Variants in CAMK1D observed in about 807,000 individuals in gnomAD.
The protein encoded by CAMK1D is calcium/calmodulin dependent protein kinase ID, also known as calcium/calmodulin-dependent protein kinase type 1D.
CAMK1D carries 9 observed loss-of-function variants against 47.7 expected under a neutral mutation model. That is an observed-to-expected ratio of 0.19 (90% CI 0.11 to 0.33). CAMK1D has a LOEUF of 0.33. CAMK1D is among the 10% of genes least tolerant of loss of function. The pLI is 1.00. For missense variants in CAMK1D, 291 were observed against 488.7 expected (o/e 0.60, Z 3.81); for synonymous variants, 184 against 184.9 (o/e 0.99, Z 0.04).
At chr10:12,518,412 A>G (rs1835274239) in intron 1 of CAMK1D, among the ~76,000 whole-genome samples, 1 of 152,178 alleles carries the variant, frequency 6.6e-6, no homozygotes, top group Non-Finnish European at 1.5e-5. Context: ...GTTGTTCATA[A>G]TGTTCTTTTA....
intron 3 of CAMK1D, among the ~76,000 whole-genome samples, chr10:12,670,622 A>G (rs895180939): frequency 5.3e-5 from 8 of 151,780 alleles, no homozygotes; most frequent in African/African-American, 1.9e-4. Context: ...ATCTTGGCTC[A>G]CTGCAACCTC....
Position 12,353,539 on chromosome 10 carries a change from C to T in CAMK1D, c.92+3629C>T, listed in dbSNP as rs78792528. On this transcript the variant is annotated intron_variant, in intron 1 of 10. Transcript: ENST00000619168. The stretch of plus-strand genomic sequence containing the variant: ...AGGGACCTTGCTGGAGAGTGGGGGC[C>T]GAATGGGAGTGAAGGTTGGCCCAGG... Among the ~76,000 whole-genome samples, 829 of 151,940 alleles carry T rather than the reference C, an allele frequency of 5.5e-3. 8 individuals are homozygous for T. The highest frequency in any genetic ancestry group is 0.018 in the African/African-American group (759 of 41,426).
intron 3 of CAMK1D, among the ~76,000 whole-genome samples, chr10:12,729,354 G>A (rs1427873431): frequency 6.6e-6 from 1 of 152,212 alleles, no homozygotes; most frequent in Non-Finnish European, 1.5e-5. Flanking sequence ...ATTAAAGTGG[G>A]ACCGAGCACA....
chr10:12,774,276 G>A (rs987577196), intron 5 of CAMK1D, among the ~76,000 whole-genome samples: 1 of 147,410 alleles, frequency 6.8e-6, no homozygotes, highest in South Asian at 2.1e-4. Flanking sequence ...GAGGGTGGTG[G>A]CAATTTTAAC....
intron 1 of CAMK1D, among the ~76,000 whole-genome samples, chr10:12,476,528 C>T (rs1833907421): frequency 1.3e-5 from 2 of 151,956 alleles, no homozygotes; most frequent in South Asian, 2.1e-4. Flanking sequence ...ATAAAGATAC[C>T]GTATAATGAG....
intron 3 of CAMK1D, among the ~76,000 whole-genome samples, chr10:12,701,644 C>T (rs532661887): frequency 2.9e-4 from 44 of 152,346 alleles, no homozygotes; most frequent in Middle Eastern, 3.4e-3. Context: ...ATCTATCTTC[C>T]AGTGACCTTC....
chr10:12,476,608 G>A (rs1365130784), intron 1 of CAMK1D, among the ~76,000 whole-genome samples: 1 of 152,164 alleles, frequency 6.6e-6, no homozygotes, highest in Non-Finnish European at 1.5e-5. Context: ...ATCATGTCGA[G>A]ATTTTTTAAT....
chr10:12,421,202 G>C (rs1840037011), intron 1 of CAMK1D, among the ~76,000 whole-genome samples: 1 of 152,152 alleles, frequency 6.6e-6, no homozygotes, highest in Non-Finnish European at 1.5e-5. Context: ...CACATCCTAG[G>C]ATAGGAATCC....
chr10:12,480,687 G>A (rs887459369), intron 1 of CAMK1D, among the ~76,000 whole-genome samples: 1 of 152,174 alleles, frequency 6.6e-6, no homozygotes, highest in Non-Finnish European at 1.5e-5. Context: ...CTTGCCCAAG[G>A]CCGTGTAGGT....
At chr10:12,386,633 A>G (rs1034526927) in intron 1 of CAMK1D, among the ~76,000 whole-genome samples, 2 of 152,190 alleles carry the variant, frequency 1.3e-5, no homozygotes, top group Non-Finnish European at 2.9e-5. Context: ...GTTAACAAAT[A>G]ATATGATCCC....
In CAMK1D at chr10:12,684,495, T is replaced by TA. The variant is rs148992018; in HGVS notation, c.299+17694dup. On this transcript the variant is annotated intron_variant, in intron 3 of 10. Coordinates refer to ENST00000619168, the MANE Select transcript of CAMK1D (RefSeq NM_153498.4). The stretch of plus-strand genomic sequence containing the variant: ...GGCTCCTCAAAGAAGATAACTAATT[T>TA]AAAAAAAAATGTATTCCTCAATATA... Among the ~76,000 whole-genome samples the TA allele has an allele frequency of 6.6e-3, 1,005 of 151,626 alleles. 6 individuals are homozygous for TA. Among genetic ancestry groups the TA allele is most frequent in the Non-Finnish European group, 8.1e-3 (550 of 67,836 alleles).
chr10:12,380,632 C>T (rs571269807), intron 1 of CAMK1D, among the ~76,000 whole-genome samples: 21 of 152,154 alleles, frequency 1.4e-4, no homozygotes, highest in African/African-American at 2.4e-4. Context: ...CCAAGGCGGG[C>T]GGATCACGAG....
In CAMK1D at chr10:12,702,540, C is replaced by T. The variant is rs557369534; in HGVS notation, c.299+35730C>T. ...TGCAAGTTCCTAGGAATAACAGTAG[C>T]TAACTTTTCCTATGAAAGCAGTGTG... On this transcript the variant is annotated intron_variant, in intron 3 of 10. Coordinates refer to ENST00000619168, the MANE Select transcript of CAMK1D (RefSeq NM_153498.4). Among the ~76,000 whole-genome samples, 9 of 152,336 alleles carry T rather than the reference C, an allele frequency of 5.9e-5. No individual in the cohort carries two copies. The South Asian group carries it at 1.7e-3, about 28-fold the overall frequency.
At chr10:12,636,186 G>A (rs1039709210) in intron 2 of CAMK1D, among the ~76,000 whole-genome samples, 2 of 152,172 alleles carry the variant, frequency 1.3e-5, no homozygotes, top group Admixed American at 6.5e-5. Context: ...TACCCTTGGA[G>A]GTTTTCCAGT....
chr10:12,744,625 C>G (rs1285261127), intron 3 of CAMK1D, among the ~76,000 whole-genome samples: 2 of 152,044 alleles, frequency 1.3e-5, no homozygotes, highest in African/African-American at 2.4e-5. Flanking sequence ...GGTACAGTGG[C>G]TCACACCTGT....
chr10:12,593,535 A>G (rs1044936574), intron 2 of CAMK1D, among the ~76,000 whole-genome samples: 1 of 152,176 alleles, frequency 6.6e-6, no homozygotes, highest in Non-Finnish European at 1.5e-5. Context: ...GGTTGCGATG[A>G]GCCAAGATTG....
At chr10:12,747,276 C>A (rs1375928063) in intron 3 of CAMK1D, among the ~76,000 whole-genome samples, 1 of 152,200 alleles carries the variant, frequency 6.6e-6, no homozygotes, top group Middle Eastern at 3.4e-3. Flanking sequence ...ATGTTCCACC[C>A]GCCTCAGCCT....
chr10:12,772,723 T>C (rs1194422483), intron 5 of CAMK1D, among the ~76,000 whole-genome samples: 1 of 152,134 alleles, frequency 6.6e-6, no homozygotes, highest in Non-Finnish European at 1.5e-5. Context: ...GTAATGGTGT[T>C]GTGAGATACC....
intron 3 of CAMK1D, among the ~76,000 whole-genome samples, chr10:12,700,264 C>T (rs764101368): frequency 1.6e-4 from 24 of 152,140 alleles, no homozygotes; most frequent in Non-Finnish European, 3.1e-4. Context: ...CTCCCAGTTG[C>T]GCAGGCCTGG....
Sources: allele counts gnomAD v4.1 joint callset (sites outside exome capture counted in the v4.1 genomes callset), GRCh38; gene constraint gnomAD v4.1.1; transcripts MANE v1.5; gene names NCBI Gene and HGNC (gene_info 2026-07-23, HGNC 2026-07-21).